The following SESTD1 variants were observed in gnomAD, a reference collection of about 807,000 sequenced individuals.
SESTD1 encodes SEC14 and spectrin domain containing 1, also known as SEC14 domain and spectrin repeat-containing protein 1.
In SESTD1, 43 loss-of-function variants were observed where a neutral mutation model predicts 101.7. The observed-to-expected ratio is 0.42, with a 90% CI of 0.33 to 0.55. The LOEUF (loss-of-function observed/expected upper bound fraction) is 0.55. SESTD1 is among the 20% of genes least tolerant of loss of function. The probability of loss-of-function intolerance (pLI) is 0.07; values close to 1 mark genes in which losing one functional copy is unlikely to be tolerated. For missense variants in SESTD1, 647 were observed against 815.1 expected (o/e 0.79, Z 2.51); for synonymous variants, 283 against 286.8 (o/e 0.99, Z 0.13).
At chr2:179,256,830 A>AC (rs35491790) in intron 1 of SESTD1, among the ~76,000 whole-genome samples, 1 of 151,440 alleles carries the variant, frequency 6.6e-6, no homozygotes, top group African/African-American at 2.4e-5. Context: ...AAAAAAAAAA[A>AC]CTGACAGATG....
intron 2 of SESTD1, among the ~76,000 whole-genome samples, chr2:179,183,567 G>C (rs16866673): frequency 0.056 from 8,452 of 152,040 alleles, 301 homozygotes; most frequent in South Asian, 0.091. Flanking sequence ...TAGGAGATAA[G>C]AAATATGATA....
At chr2:179,203,537 C>A (rs1031861423) in intron 1 of SESTD1, among the ~76,000 whole-genome samples, 1 of 134,398 alleles carries the variant, frequency 7.4e-6, no homozygotes, top group Non-Finnish European at 1.6e-5. Context: ...CATGCCTCCT[C>A]CCCCGATACC....
intron 1 of SESTD1, among the ~76,000 whole-genome samples, chr2:179,236,323 T>TAAAAAAAA (rs552456681): frequency 1.5e-5 from 1 of 66,718 alleles, no homozygotes; most frequent in Non-Finnish European, 2.6e-5. Context: ...CCTCATCTCT[T>TAAAAAAAA]AAAAAAAAAA....
At chr2:179,116,054 G>C (rs997870518) in intron 15 of SESTD1, among the ~76,000 whole-genome samples, 2 of 151,854 alleles carry the variant, frequency 1.3e-5, no homozygotes, top group African/African-American at 4.8e-5. Context: ...CGGGTGGATC[G>C]CTTGAGGTCA....
intron 9 of SESTD1, among the ~76,000 whole-genome samples, chr2:179,141,968 T>G (rs935462186): frequency 3.3e-5 from 5 of 152,230 alleles, no homozygotes; most frequent in African/African-American, 1.2e-4. Context: ...TCCTTTTGCC[T>G]GAAATTCAAC....
intron 1 of SESTD1, among the ~76,000 whole-genome samples, chr2:179,201,540 T>C (rs1163160357): frequency 7.6e-6 from 1 of 132,270 alleles, no homozygotes; most frequent in Non-Finnish European, 1.6e-5. Context: ...CCAACAATGA[T>C]AGACTGGATT....
intron 1 of SESTD1, among the ~76,000 whole-genome samples, chr2:179,253,358 T>C (rs2047346063): frequency 6.6e-6 from 1 of 152,154 alleles, no homozygotes; most frequent in Non-Finnish European, 1.5e-5. Flanking sequence ...CCTGGTGATA[T>C]CCAAAGCAAG....
At chr2:179,236,366 A>G (rs2047066143) in intron 1 of SESTD1, among the ~76,000 whole-genome samples, 1 of 150,096 alleles carries the variant, frequency 6.7e-6, no homozygotes, top group Non-Finnish European at 1.5e-5. Context: ...GCATGGTAGC[A>G]CATGTCTACA....
chr2:179,186,088 A>G (rs2046228344), intron 2 of SESTD1, among the ~76,000 whole-genome samples: 1 of 148,888 alleles, frequency 6.7e-6, no homozygotes, highest in African/African-American at 2.5e-5. Flanking sequence ...AATATAATAC[A>G]TACTAGGAAA....
At chr2:179,263,794 T>C (rs2047516590) in intron 1 of SESTD1, among the ~76,000 whole-genome samples, 2 of 152,038 alleles carry the variant, frequency 1.3e-5, no homozygotes, top group South Asian at 4.1e-4. Context: ...CTACCTAAAA[T>C]AGAAAAATAA....
intron 1 of SESTD1, among the ~76,000 whole-genome samples, chr2:179,199,590 C>G (rs1399142369): frequency 6.6e-6 from 1 of 152,038 alleles, no homozygotes; most frequent in Non-Finnish European, 1.5e-5. Context: ...AGCAGCACAT[C>G]AAAAAGCTTA....
At chr2:179,143,043 G>A (rs1420874953) in intron 9 of SESTD1, among the ~76,000 whole-genome samples, 1 of 148,412 alleles carries the variant, frequency 6.7e-6, no homozygotes, top group East Asian at 1.9e-4. Context: ...AATCCAGAGT[G>A]TAATCTAAAT....
chr2:179,217,304 CA>C (rs2046737307), intron 1 of SESTD1, among the ~76,000 whole-genome samples: 1 of 151,972 alleles, frequency 6.6e-6, no homozygotes, highest in African/African-American at 2.4e-5. Context: ...ACAACCCCAT[CA>C]AAAAGTGGGC....
At chr2:179,228,139 C>T (rs532068386) in intron 1 of SESTD1, among the ~76,000 whole-genome samples, 4 of 152,262 alleles carry the variant, frequency 2.6e-5, no homozygotes, top group African/African-American at 9.6e-5. Flanking sequence ...CAGACCCTCA[C>T]ACTGTGTAAG....
intron 15 of SESTD1, among the ~76,000 whole-genome samples, chr2:179,116,273 TAAAAAAAAA>T (rs371896290): frequency 7.2e-6 from 1 of 139,288 alleles, no homozygotes; most frequent in Admixed American, 7.2e-5. Flanking sequence ...GACTGTGTCT[TAAAAAAAAA>T]AAAAAAGACA....
In SESTD1 at chr2:179,104,555, T is replaced by G. The variant is rs1285284575; in HGVS notation, c.*5344A>C. The G allele has an allele frequency of 6.6e-6, 1 of 152,068 alleles. No individual in the cohort carries two copies. Among genetic ancestry groups the G allele is most frequent in the African/African-American group, 2.4e-5 (1 of 41,394 alleles). 9.4% of individuals were successfully genotyped at this position (152,068 alleles called of 1,614,324 possible). On this transcript the variant is annotated 3_prime_UTR_variant, in exon 18 of 18. Coordinates refer to ENST00000428443, the MANE Select transcript of SESTD1 (RefSeq NM_178123.5). ...CATCTCTCCCCCAAGACAGAAGCAT[T>G]TGGACACCCTAAAGACATGGTATTC... is the stretch of plus-strand genomic sequence containing the variant.
intron 1 of SESTD1, among the ~76,000 whole-genome samples, chr2:179,195,226 G>A (rs567955250): frequency 1.3e-5 from 2 of 152,346 alleles, no homozygotes; most frequent in South Asian, 4.1e-4. Flanking sequence ...ATCTCCATAT[G>A]TAGAGTGAGG....
rs1575410940 is a variant in SESTD1 at position 179,102,817 on chromosome 2, T to A, written c.*7082A>T. On this transcript the variant is annotated 3_prime_UTR_variant, in exon 18 of 18. Transcript: ENST00000428443. ...ATAAAGAGACAATATTGAAAATATT[T>A]TTAAACGCTAAAATGTCCCGTAAAA... The A allele has an allele frequency of 6.6e-6, 1 of 152,146 alleles. No homozygotes were observed. Among genetic ancestry groups the A allele is most frequent in the Non-Finnish European group, 1.5e-5 (1 of 67,988 alleles). The allele number at this position is 152,146 out of a possible 1,614,324, so 9.4% of individuals were successfully genotyped here.
At position 179,251,654 on chromosome 2, in the gene SESTD1, C is replaced by T. The variant is rs145268595; in HGVS notation, c.-26+12845G>A. Reference sequence around the variant, plus strand: ...ACAAAATCATACGTTAAAATTCTAACATCTAATGTGAAGGTATTAGGAGAT... The same window carrying T: ...ACAAAATCATACGTTAAAATTCTAATATCTAATGTGAAGGTATTAGGAGAT... On this transcript the variant is annotated intron_variant, in intron 1 of 17. Transcript: ENST00000428443. Among the ~76,000 whole-genome samples the T allele has an allele frequency of 2.8e-3, 425 of 152,338 alleles. 3 individuals are homozygous for T. Among genetic ancestry groups the T allele is most frequent in the Non-Finnish European group, 4.3e-3 (293 of 68,024 alleles).
Sources: allele counts gnomAD v4.1 joint callset (sites outside exome capture counted in the v4.1 genomes callset), GRCh38; gene constraint gnomAD v4.1.1; transcripts MANE v1.5; gene names NCBI Gene and HGNC (gene_info 2026-07-23, HGNC 2026-07-21).